The following FAM193A variants were observed in gnomAD, a reference collection of about 807,000 sequenced individuals.
FAM193A encodes family with sequence similarity 193 member A.
In FAM193A, 22 loss-of-function variants were observed where a neutral mutation model predicts 126.5. The ratio of observed to expected loss-of-function variants is 0.17; its 90% CI spans 0.12 to 0.25. FAM193A has a LOEUF of 0.25. Ranked by LOEUF, FAM193A falls within the 10% of genes least tolerant of loss-of-function variation. The pLI is 1.00. For synonymous variants in FAM193A, 761 were observed against 646.8 expected (o/e 1.18, Z -2.68); for missense variants, 1,675 against 1,672.8 (o/e 1.00, Z -0.02).
intron 2 of FAM193A, among the ~76,000 whole-genome samples, chr4:2,597,072 G>T (rs35792778): frequency 1.3e-5 from 2 of 151,842 alleles, no homozygotes; most frequent in Non-Finnish European, 1.5e-5. Context: ...TCTGAAGAGC[G>T]CATCCCCACT....
Position 2,700,210 on chromosome 4 carries a change from C to G in FAM193A, c.4038C>G (p.Ala1346=), listed in dbSNP as rs1717549722. The change falls in exon 19 of 21, where the codon GCC becomes GCG. Residue 1346 remains alanine (A), a synonymous_variant. Coordinates refer to ENST00000637812, the MANE Select transcript of FAM193A (RefSeq NM_001366318.2). ...GKQKLRQTSK[A]SSEPARRPTE... The stretch of plus-strand genomic sequence containing the variant: ...AGAAGCTGAGGCAGACCAGCAAGGC[C>G]AGCAGCGAGCCAGCGAGGAGGCCCA... The G allele has an allele frequency of 1.1e-5, 18 of 1,613,894 alleles. No homozygotes were observed. The highest frequency in any genetic ancestry group is 1.4e-5 in the Non-Finnish European group (17 of 1,180,000).
In FAM193A at chr4:2,634,406, A is replaced by G. The variant is rs138413665; in HGVS notation, c.1038+3237A>G. ...CGAATAGATAAAATCCCCCCAAATG[A>G]GCAGCTCACAGTAAAAAAAGTCATA... On this transcript the variant is annotated intron_variant, in intron 5 of 20. Transcript: ENST00000637812. Among the ~76,000 whole-genome samples, 356 of 152,308 alleles carry G rather than the reference A, an allele frequency of 2.3e-3. 1 individual carries two copies. Among genetic ancestry groups the G allele is most frequent in the African/African-American group, 8.1e-3 (338 of 41,558 alleles).
intron 1 of FAM193A, among the ~76,000 whole-genome samples, chr4:2,589,838 A>G (rs912944343): frequency 6.6e-6 from 1 of 152,194 alleles, no homozygotes; most frequent in Non-Finnish European, 1.5e-5. Flanking sequence ...CAGGTAGCTA[A>G]TAAAAGATCA....
intron 2 of FAM193A, among the ~76,000 whole-genome samples, chr4:2,597,564 A>T (rs184375039): frequency 2.6e-4 from 40 of 151,852 alleles, no homozygotes; most frequent in Middle Eastern, 3.4e-3. Context: ...TTGGAGGAGG[A>T]TCTCATTTCC....
intron 2 of FAM193A, among the ~76,000 whole-genome samples, chr4:2,601,628 A>G (rs1305762146): frequency 6.6e-6 from 1 of 151,218 alleles, no homozygotes; most frequent in Non-Finnish European, 1.5e-5. Flanking sequence ...AGTGGATCAC[A>G]CCTGTAACCG....
chr4:2,626,298 C>G, intron 3 of FAM193A, 112 bp from the exon 4 acceptor site: 1 of 629,070 alleles, frequency 1.6e-6, no homozygotes. Flanking sequence ...TTGCCGGCTC[C>G]TGGGAGCTGG....
chr4:2,545,196 T>C (rs1737472330), intron 1 of FAM193A, among the ~76,000 whole-genome samples: 1 of 152,206 alleles, frequency 6.6e-6, no homozygotes, highest in Admixed American at 6.6e-5. Flanking sequence ...TTTCACCATG[T>C]TGGCCAGGCT....
chr4:2,538,786 A>T (rs898152240), intron 1 of FAM193A, among the ~76,000 whole-genome samples: 1 of 152,196 alleles, frequency 6.6e-6, no homozygotes, highest in African/African-American at 2.4e-5. Flanking sequence ...AATAAAAACC[A>T]GTTGGTGGCA....
At chr4:2,547,871 C>T (rs1231193024) in intron 1 of FAM193A, among the ~76,000 whole-genome samples, 1 of 151,758 alleles carries the variant, frequency 6.6e-6, no homozygotes, top group African/African-American at 2.4e-5. Flanking sequence ...GTGATCTGCC[C>T]ACCTTGGCCT....
chr4:2,655,038 C>CT (rs146356244), intron 7 of FAM193A: 11 of 674,356 alleles, frequency 1.6e-5, no homozygotes, highest in African/African-American at 1.8e-5. Flanking sequence ...CATTTGTCCC[C>CT]TTTTTTTGGC....
At chr4:2,716,865 A>G (rs2062591871) in intron 20 of FAM193A, among the ~76,000 whole-genome samples, 1 of 151,978 alleles carries the variant, frequency 6.6e-6, no homozygotes, top group African/African-American at 2.4e-5. Context: ...CAGTAGAGAC[A>G]GGGTTTCACC....
intron 13 of FAM193A, among the ~76,000 whole-genome samples, chr4:2,686,992 A>G (rs12509340): frequency 0.068 from 10,315 of 152,172 alleles, 549 homozygotes; most frequent in Admixed American, 0.16. Context: ...TTACCAAAAC[A>G]ATGACTTCAG....
chr4:2,681,848 G>A (rs536395252), intron 13 of FAM193A, among the ~76,000 whole-genome samples: 10 of 152,066 alleles, frequency 6.6e-5, no homozygotes, highest in South Asian at 4.2e-4. Flanking sequence ...CTTTCACTGC[G>A]TCCCGTAAGT....
chr4:2,711,719 C>T (rs993944628), intron 19 of FAM193A, among the ~76,000 whole-genome samples: 1 of 151,756 alleles, frequency 6.6e-6, no homozygotes, highest in Non-Finnish European at 1.5e-5. Context: ...GAGGCCGAGG[C>T]GGGCAGATCA....
chr4:2,728,238 A>ATTTTT (rs58609064), intron 20 of FAM193A, among the ~76,000 whole-genome samples: 12 of 82,038 alleles, frequency 1.5e-4, no homozygotes, highest in East Asian at 3.3e-4. Context: ...ACCCGGCCCA[A>ATTTTT]TTTTTTTTTT....
chr4:2,569,298 A>G (rs188250508), intron 1 of FAM193A, among the ~76,000 whole-genome samples: 47 of 151,718 alleles, frequency 3.1e-4, no homozygotes, highest in Middle Eastern at 3.4e-3. Context: ...CTGATCGGAA[A>G]CCCACGTGAG....
At chr4:2,555,115 A>G (rs1738175320) in intron 1 of FAM193A, among the ~76,000 whole-genome samples, 1 of 152,030 alleles carries the variant, frequency 6.6e-6, no homozygotes, top group Admixed American at 6.6e-5. Flanking sequence ...ATTTGGTGCT[A>G]TTATAGGATG....
intron 12 of FAM193A, 71 bp from the exon 13 acceptor site, chr4:2,672,050 A>G (rs1273330617): frequency 8.5e-6 from 13 of 1,538,328 alleles, no homozygotes; most frequent in Non-Finnish European, 8.0e-6. Flanking sequence ...TACTTGGCAG[A>G]ATGTGACTGA....
At chr4:2,541,626 A>G (rs543166617) in intron 1 of FAM193A, among the ~76,000 whole-genome samples, 1 of 150,310 alleles carries the variant, frequency 6.7e-6, no homozygotes, top group South Asian at 2.1e-4. Flanking sequence ...TTGTATTTTT[A>G]GTAGAGACAG....
Sources: allele counts gnomAD v4.1 joint callset (sites outside exome capture counted in the v4.1 genomes callset), GRCh38; gene constraint gnomAD v4.1.1; transcripts MANE v1.5; gene names NCBI Gene and HGNC (gene_info 2026-07-23, HGNC 2026-07-21).